Variants in EIF4EBP2 observed in about 807,000 individuals in gnomAD.
The protein encoded by EIF4EBP2 is eukaryotic translation initiation factor 4E-binding protein 2.
EIF4EBP2 carries 5 observed loss-of-function variants against 10.3 expected under a neutral mutation model. The ratio of observed to expected loss-of-function variants is 0.48; its 90% CI spans 0.25 to 1.02. The LOEUF is 1.02. Ranked by LOEUF, EIF4EBP2 falls within the 50% of genes least tolerant of loss-of-function variation. The pLI is 0.15. For missense variants in EIF4EBP2, 188 were observed against 162.2 expected (o/e 1.16, Z -0.86); for synonymous variants, 67 against 61.1 (o/e 1.10, Z -0.45).
At position 70,423,914 on chromosome 10, in the gene EIF4EBP2, A is replaced by G. The variant is rs1256289772; in HGVS notation, c.*2167A>G. 2 of 152,372 alleles carry G rather than the reference A, an allele frequency of 1.3e-5. No homozygotes were observed. The highest frequency in any genetic ancestry group is 3.9e-4 in the East Asian group (2 of 5,190). 9.4% of individuals were successfully genotyped at this position (152,372 alleles called of 1,614,324 possible). On this transcript the variant is annotated 3_prime_UTR_variant, in exon 3 of 3. Transcript: ENST00000373218. ...TTAATTAAACTCCAAGTCTCATTTT[A>G]CATATTCTTGGAAAAACCTAAGTTG...
rs1845191891 is a variant in EIF4EBP2 at position 70,424,934 on chromosome 10, G to A, written c.*3187G>A. The A allele has an allele frequency of 6.6e-6, 1 of 152,178 alleles. No individual in the cohort carries two copies. Among genetic ancestry groups the A allele is most frequent in the South Asian group, 2.1e-4 (1 of 4,836 alleles). 9.4% of individuals were successfully genotyped at this position (152,178 alleles called of 1,614,324 possible). ...ACCTGTATTAGTTATCTATTGCTGT[G>A]TAAAAAATTACCCTAAATTTAGTAT... On this transcript the variant is annotated 3_prime_UTR_variant, in exon 3 of 3. Transcript: ENST00000373218.
rs1283870411 is a variant in EIF4EBP2 at position 70,422,908 on chromosome 10, T to TA, written c.*1167dup. 6.6e-6 allele frequency: 1 copy of TA among 152,198 alleles called. No homozygotes were observed. The highest frequency in any genetic ancestry group is 1.5e-5 in the Non-Finnish European group (1 of 68,032). The allele number at this position is 152,198 out of a possible 1,614,324, so 9.4% of individuals were successfully genotyped here. A position where few individuals can be genotyped will look rare whatever the true frequency, so the allele number is the denominator to read the frequency against. On this transcript the variant is annotated 3_prime_UTR_variant, in exon 3 of 3. Transcript: ENST00000373218. ...CTGCTGGGATAGATAAGCATGGGCTTAAAAAATGTGTTCCTCCCAGTTTTC... is the reference window on the plus strand; with the variant it reads ...CTGCTGGGATAGATAAGCATGGGCTTAAAAAAATGTGTTCCTCCCAGTTTTC...
Position 70,427,366 on chromosome 10 carries a change from G to A in EIF4EBP2, c.*5619G>A, listed in dbSNP as rs1845214518. On this transcript the variant is annotated 3_prime_UTR_variant, in exon 3 of 3. Coordinates refer to ENST00000373218, the MANE Select transcript of EIF4EBP2 (RefSeq NM_004096.5). Reference sequence around the variant, plus strand: ...TGAAATCAGATATTGATGCAGTTGGGTCACAATTCTTTAGAATGCTTCTAC... The same window carrying A: ...TGAAATCAGATATTGATGCAGTTGGATCACAATTCTTTAGAATGCTTCTAC... The A allele has an allele frequency of 6.6e-6, 1 of 152,168 alleles. No individual in the cohort carries two copies. The highest frequency in any genetic ancestry group is 2.1e-4 in the South Asian group (1 of 4,818). The allele number at this position is 152,168 out of a possible 1,614,324, so 9.4% of individuals were successfully genotyped here.
At chr10:70,407,394 G>A (rs1292931321) in intron 1 of EIF4EBP2, among the ~76,000 whole-genome samples, 1 of 151,884 alleles carries the variant, frequency 6.6e-6, no homozygotes, top group African/African-American at 2.4e-5. Flanking sequence ...AACCCTGAGT[G>A]GACACAGCAC....
At chr10:70,410,392 T>G (rs981061890) in intron 1 of EIF4EBP2, among the ~76,000 whole-genome samples, 1 of 152,138 alleles carries the variant, frequency 6.6e-6, no homozygotes, top group African/African-American at 2.4e-5. Flanking sequence ...AAAATTGTCT[T>G]TGTTGGTTTA....
Position 70,424,876 on chromosome 10 carries a change from A to G in EIF4EBP2, c.*3129A>G, listed in dbSNP as rs1009580057. On this transcript the variant is annotated 3_prime_UTR_variant, in exon 3 of 3. Transcript: ENST00000373218. ...ATACAGAGAAGCTGGCTTTCTAGGT[A>G]TTGGGCTTCCAAGCCAAGAGTTTTG... is the stretch of plus-strand genomic sequence containing the variant. 3.9e-5 allele frequency: 6 copies of G among 152,246 alleles called. No individual in the cohort carries two copies. Among genetic ancestry groups the G allele is most frequent in the African/African-American group, 1.4e-4 (6 of 41,472 alleles). 9.4% of individuals were successfully genotyped at this position (152,246 alleles called of 1,614,324 possible). A position where few individuals can be genotyped will look rare whatever the true frequency, so the allele number is the denominator to read the frequency against.
At chr10:70,406,772 C>T (rs1844968162) in intron 1 of EIF4EBP2, among the ~76,000 whole-genome samples, 1 of 152,218 alleles carries the variant, frequency 6.6e-6, no homozygotes, top group Admixed American at 6.5e-5. Flanking sequence ...ACTTAACTTC[C>T]CCCGACATTG....
chr10:70,409,355 T>C (rs7902718), intron 1 of EIF4EBP2, among the ~76,000 whole-genome samples: 469 of 152,318 alleles, frequency 3.1e-3, no homozygotes, highest in African/African-American at 0.011. Flanking sequence ...ATTTGGTTCT[T>C]CCATTGAGAA....
intron 1 of EIF4EBP2, among the ~76,000 whole-genome samples, chr10:70,410,215 G>A (rs1049085042): frequency 3.9e-5 from 6 of 152,066 alleles, no homozygotes; most frequent in East Asian, 1.9e-4. Flanking sequence ...GATTACGGGC[G>A]CCCACCACCA....
intron 1 of EIF4EBP2, among the ~76,000 whole-genome samples, chr10:70,406,800 T>C (rs142024740): frequency 6.6e-5 from 10 of 152,382 alleles, no homozygotes; most frequent in East Asian, 5.8e-4. Context: ...ACACAGTTTC[T>C]TGTTTTGGAT....
intron 1 of EIF4EBP2, among the ~76,000 whole-genome samples, chr10:70,404,969 A>G (rs1445322270): frequency 6.6e-6 from 1 of 152,132 alleles, no homozygotes; most frequent in Non-Finnish European, 1.5e-5. Flanking sequence ...GAACTTTGGG[A>G]GAGGAATTCG....
At position 70,421,662 on chromosome 10, in the gene EIF4EBP2, T is replaced by G. The variant is rs1281564512; in HGVS notation, c.332-54T>G. ...ATTTAGAGGGAATGACAGTTAAAAC[T>G]GTTATGCTTCTTTGTGTACGTGCTA... On this transcript the variant is annotated intron_variant, in intron 2 of 2. Coordinates refer to ENST00000373218, the MANE Select transcript of EIF4EBP2 (RefSeq NM_004096.5). 2.0e-6 allele frequency: 3 copies of G among 1,529,334 alleles called. No homozygotes were observed. In the East Asian group the frequency reaches 6.8e-5, roughly 35 times the overall value. 94.7% of individuals were successfully genotyped at this position (1,529,334 alleles called of 1,614,324 possible).
At chr10:70,410,463 C>G (rs1471944122) in intron 1 of EIF4EBP2, among the ~76,000 whole-genome samples, 1 of 152,202 alleles carries the variant, frequency 6.6e-6, no homozygotes. Flanking sequence ...CCACCTGTCT[C>G]CCTGAAGAAT....
Position 70,425,941 on chromosome 10 carries a change from G to T in EIF4EBP2, c.*4194G>T, listed in dbSNP as rs1179824423. ...GTACCTGGTCTCTCCAGTCTCAACA[G>T]ACTCAGGTCAGGTCTCTCACCCAGG... On this transcript the variant is annotated 3_prime_UTR_variant, in exon 3 of 3. Coordinates refer to ENST00000373218, the MANE Select transcript of EIF4EBP2 (RefSeq NM_004096.5). 2 of 152,202 alleles carry T rather than the reference G, an allele frequency of 1.3e-5. No individual in the cohort carries two copies. The highest frequency in any genetic ancestry group is 2.9e-5 in the Non-Finnish European group (2 of 68,028). 9.4% of individuals were successfully genotyped at this position (152,202 alleles called of 1,614,324 possible). A position where few individuals can be genotyped will look rare whatever the true frequency, so the allele number is the denominator to read the frequency against.
At position 70,428,588 on chromosome 10, in the gene EIF4EBP2, T is replaced by C. The variant is rs1018979763; in HGVS notation, c.*6841T>C. On this transcript the variant is annotated 3_prime_UTR_variant, in exon 3 of 3. Transcript: ENST00000373218. The stretch of plus-strand genomic sequence containing the variant: ...AAATTCTCATCAATGGTTGCTGTTA[T>C]AGTTAAATCAGTAAAGATCTTGAGT... 3 of 152,266 alleles carry C rather than the reference T, an allele frequency of 2.0e-5. No individual in the cohort carries two copies. Among genetic ancestry groups the C allele is most frequent in the South Asian group, 4.1e-4 (2 of 4,834 alleles). 9.4% of individuals were successfully genotyped at this position (152,266 alleles called of 1,614,324 possible). A position where few individuals can be genotyped will look rare whatever the true frequency, so the allele number is the denominator to read the frequency against.
intron 1 of EIF4EBP2, among the ~76,000 whole-genome samples, chr10:70,413,450 A>C (rs1845063533): frequency 6.6e-6 from 1 of 151,822 alleles, no homozygotes; most frequent in African/African-American, 2.4e-5. Context: ...ACGTAATGAG[A>C]CCCCATCTCT....
At chr10:70,405,864 G>A (rs780057520) in intron 1 of EIF4EBP2, among the ~76,000 whole-genome samples, 1 of 152,162 alleles carries the variant, frequency 6.6e-6, no homozygotes, top group African/African-American at 2.4e-5. Flanking sequence ...CCAGGCAGAA[G>A]TTCAGTAATA....
At chr10:70,407,730 A>C (rs1237761611) in intron 1 of EIF4EBP2, among the ~76,000 whole-genome samples, 106 of 103,546 alleles carry the variant, frequency 1.0e-3, no homozygotes, top group African/African-American at 1.9e-3. Context: ...CGGGGGGCTG[A>C]CCCCCCCCCC....
intron 1 of EIF4EBP2, 62 bp downstream of exon 1, chr10:70,404,608 C>G: frequency 6.9e-7 from 1 of 1,450,382 alleles, no homozygotes; most frequent in South Asian, 1.4e-5. Flanking sequence ...AACTCCTCGG[C>G]GCCTCGGTGC....
Sources: allele counts gnomAD v4.1 joint callset (sites outside exome capture counted in the v4.1 genomes callset), GRCh38; gene constraint gnomAD v4.1.1; transcripts MANE v1.5; gene names NCBI Gene and HGNC (gene_info 2026-07-23, HGNC 2026-07-21).